Variants in GUCY2F observed in about 807,000 individuals in gnomAD.
The protein encoded by GUCY2F is retinal guanylyl cyclase 2.
In GUCY2F, 61 loss-of-function variants were observed where a neutral mutation model predicts 73.1. The observed-to-expected ratio is 0.83, with a 90% CI of 0.68 to 1.03. GUCY2F has a LOEUF of 1.03. Among genes scored for constraint, GUCY2F ranks in the 50% least tolerant of loss-of-function variants. GUCY2F has a pLI of 0.00. For missense variants in GUCY2F, 912 were observed against 854.3 expected, an observed-to-expected ratio of 1.07 and a Z score of -0.84; for synonymous variants, 331 against 307.8, an observed-to-expected ratio of 1.08 and a Z score of -0.79.
intron 8 of GUCY2F, among the ~76,000 whole-genome samples, chrX:109,419,861 C>T (rs189775891): frequency 2.2e-3 from 241 of 108,702 alleles, no homozygotes; most frequent in Middle Eastern, 9.5e-3. Context: ...TTTACAATGT[C>T]CAAAACAATC....
At chrX:109,386,750 C>T (rs1930446097) in intron 15 of GUCY2F, among the ~76,000 whole-genome samples, 1 of 111,795 alleles carries the variant, frequency 8.9e-6, no homozygotes, top group Non-Finnish European at 1.9e-5. Context: ...AAAGAATCAA[C>T]AGATTTATTG....
At chrX:109,434,005 T>A (rs1931674841) in intron 7 of GUCY2F, among the ~76,000 whole-genome samples, 1 of 110,027 alleles carries the variant, frequency 9.1e-6, no homozygotes, top group African/African-American at 3.3e-5. Flanking sequence ...AAAGAAAAGA[T>A]GGTTGACGGA....
Position 109,393,832 on chromosome X carries a change from A to C in GUCY2F, c.2425-777T>G, listed in dbSNP as rs187569954. ...TACTGCTATAGTCAACATGCACATG[A>C]CTGTGTTCACAACAACAAAAAATCG... is the stretch of plus-strand genomic sequence containing the variant. On this transcript the variant is annotated intron_variant, in intron 12 of 19. Transcript: ENST00000218006. Among the ~76,000 whole-genome samples the C allele has an allele frequency of 2.3e-4, 26 of 112,426 alleles. 1 individual carries two copies. Among genetic ancestry groups the C allele is most frequent in the African/African-American group, 8.1e-4 (25 of 30,972 alleles).
chrX:109,384,977 A>G (rs1029356298), intron 16 of GUCY2F, among the ~76,000 whole-genome samples: 3 of 111,890 alleles, frequency 2.7e-5, no homozygotes, highest in Non-Finnish European at 5.6e-5. Flanking sequence ...AGAAAGGTAC[A>G]TGTTCAGTCC....
intron 2 of GUCY2F, among the ~76,000 whole-genome samples, chrX:109,468,520 G>A (rs1300343048): frequency 9.0e-6 from 1 of 111,185 alleles, no homozygotes; most frequent in African/African-American, 3.3e-5. Flanking sequence ...ATATTTGCTG[G>A]GCAGGTAGAT....
intron 6 of GUCY2F, among the ~76,000 whole-genome samples, chrX:109,446,993 G>A (rs1357985079): frequency 8.9e-6 from 1 of 112,137 alleles, no homozygotes; most frequent in Non-Finnish European, 1.9e-5. Context: ...CTCAAAAGAA[G>A]ACATTTATGC....
At chrX:109,402,078 T>C (rs1930852844) in intron 10 of GUCY2F, among the ~76,000 whole-genome samples, 1 of 111,500 alleles carries the variant, frequency 9.0e-6, no homozygotes, top group South Asian at 3.8e-4. Context: ...TTCGATAGAT[T>C]TAGGCACAGC....
At chrX:109,381,214 C>T (rs1203488669) in intron 17 of GUCY2F, among the ~76,000 whole-genome samples, 1 of 112,478 alleles carries the variant, frequency 8.9e-6, no homozygotes, top group Non-Finnish European at 1.9e-5. Flanking sequence ...AAGTCAGAAG[C>T]TAATTGTGCA....
At chrX:109,434,681 T>G (rs922815621) in intron 7 of GUCY2F, among the ~76,000 whole-genome samples, 2 of 110,523 alleles carry the variant, frequency 1.8e-5, no homozygotes, top group Admixed American at 1.9e-4. Context: ...TTTTGGTGTT[T>G]TAGACATGAA....
At chrX:109,409,873 TC>T (rs991556876) in intron 8 of GUCY2F, among the ~76,000 whole-genome samples, 4 of 111,628 alleles carry the variant, frequency 3.6e-5, no homozygotes, top group African/African-American at 9.8e-5. Flanking sequence ...TAAACTTCTT[TC>T]CTTTATAAAT....
chrX:109,448,688 C>T (rs1932076707), intron 5 of GUCY2F, among the ~76,000 whole-genome samples: 2 of 112,352 alleles, frequency 1.8e-5, no homozygotes, highest in South Asian at 7.4e-4. Context: ...TACTCCCTGG[C>T]TGTGGGCCCA....
chrX:109,391,943 C>G lies in GUCY2F; in HGVS notation c.2749G>C (p.Asp917His). 5 of 1,204,478 alleles carry G rather than the reference C, an allele frequency of 4.2e-6. No homozygotes were observed. The highest frequency in any genetic ancestry group is 5.6e-6 in the Non-Finnish European group (5 of 891,024). ...ACATCATGACTGCCAATTATTGCATCAAAGAGTGTGTACAGGTCATTCAGA... is the reference window on the plus strand; with the variant it reads ...ACATCATGACTGCCAATTATTGCATGAAAGAGTGTGTACAGGTCATTCAGA... ...DLLNDLYTLF[D>H]AIIGSHDVYK... is the part of the protein sequence containing the mutation. Residue 917 changes from aspartate to histidine, a missense_variant, in exon 14 of 20, where the codon GAT becomes CAT. Asp to His is a moderately conservative substitution (Grantham distance 81). Coordinates refer to ENST00000218006, the MANE Select transcript of GUCY2F (RefSeq NM_001522.3).
intron 2 of GUCY2F, among the ~76,000 whole-genome samples, chrX:109,469,084 T>C (rs1035105079): frequency 9.0e-6 from 1 of 111,267 alleles, no homozygotes; most frequent in African/African-American, 3.3e-5. Flanking sequence ...AGCTACTTTA[T>C]AGTCAAAACA....
intron 11 of GUCY2F, among the ~76,000 whole-genome samples, chrX:109,396,626 C>A (rs961725486): frequency 8.9e-6 from 1 of 111,975 alleles, no homozygotes; most frequent in Non-Finnish European, 1.9e-5. Flanking sequence ...GCTTTGCTTG[C>A]CCCACCAGTG....
In GUCY2F at chrX:109,411,655, G is replaced by A. The variant is rs190223389; in HGVS notation, c.1792-2487C>T. Among the ~76,000 whole-genome samples, 6 of 111,689 alleles carry A rather than the reference G, an allele frequency of 5.4e-5. No homozygotes were observed. The East Asian group carries it at 1.4e-3, about 26-fold the overall frequency. ...AAGGCTGATAAATTCAGTTGGAGAC[G>A]TATTGAGAATGAGGTACCTACAGAA... On this transcript the variant is annotated intron_variant, in intron 8 of 19. Transcript: ENST00000218006.
chrX:109,460,704 C>T (rs1048217798), intron 3 of GUCY2F, among the ~76,000 whole-genome samples: 2 of 111,200 alleles, frequency 1.8e-5, no homozygotes, highest in Admixed American at 1.9e-4. Context: ...AAGAAAGAGG[C>T]GTTTAAGAAT....
intron 7 of GUCY2F, among the ~76,000 whole-genome samples, chrX:109,437,566 G>T (rs1024145298): frequency 7.1e-5 from 8 of 112,656 alleles, no homozygotes; most frequent in African/African-American, 2.3e-4. Flanking sequence ...AGCCAGAAAA[G>T]GCCTTAGAGA....
chrX:109,481,399 G>A lies in GUCY2F; in HGVS notation c.-86+467C>T, dbSNP rs188212127. Among the ~76,000 whole-genome samples the A allele has an allele frequency of 2.5e-3, 284 of 111,732 alleles. 3 individuals are homozygous for A. The highest frequency in any genetic ancestry group is 8.6e-3 in the African/African-American group (264 of 30,799). Reference sequence around the variant, plus strand: ...ATAGGGATGCATAATTTCATTTCAGGTAGTTTTTACAATCTGATGGGAAGC... The same window carrying A: ...ATAGGGATGCATAATTTCATTTCAGATAGTTTTTACAATCTGATGGGAAGC... On this transcript the variant is annotated intron_variant, in intron 1 of 19. Coordinates refer to ENST00000218006, the MANE Select transcript of GUCY2F (RefSeq NM_001522.3).
In GUCY2F at chrX:109,453,801, T is replaced by C. The variant is rs1216351524; in HGVS notation, c.1091A>G (p.Asn364Ser). 8.3e-7 allele frequency: 1 copy of C among 1,203,073 alleles called. No individual in the cohort carries two copies. Among genetic ancestry groups the C allele is most frequent in the Admixed American group, 2.2e-5 (1 of 45,344 alleles). ...NSIYFIAQAM[N>S]NAMKENGQAG... ...CTGTCCATTTTCTTTCATAGCATTATTCATGGCTTGTGCGATAAAGTAAAT... is the reference window on the plus strand; with the variant it reads ...CTGTCCATTTTCTTTCATAGCATTACTCATGGCTTGTGCGATAAAGTAAAT... The change falls in exon 4 of 20, where the codon AAT (asparagine) becomes AGT (serine). Residue 364 changes from asparagine (N) to serine (S), a missense_variant. Coordinates refer to ENST00000218006, the MANE Select transcript of GUCY2F (RefSeq NM_001522.3).
Sources: allele counts gnomAD v4.1 joint callset (sites outside exome capture counted in the v4.1 genomes callset), GRCh38; gene constraint gnomAD v4.1.1; transcripts MANE v1.5; gene names NCBI Gene and HGNC (gene_info 2026-07-23, HGNC 2026-07-21).